Variants in SLC7A14 observed in about 807,000 individuals in gnomAD.
The protein encoded by SLC7A14 is gamma-aminobutyric acid transporter SLC7A14.
Under a neutral mutation model 60.2 loss-of-function variants are expected in SLC7A14, and 37 were observed. The observed-to-expected ratio is 0.61, with a 90% CI of 0.47 to 0.81. SLC7A14 has a LOEUF of 0.81. Ranked by LOEUF, SLC7A14 falls within the 30% of genes least tolerant of loss-of-function variation. The pLI is 0.00. For missense variants in SLC7A14, 886 were observed against 982.7 expected (o/e 0.90, Z 1.32); for synonymous variants, 399 against 395.8 (o/e 1.01, Z -0.10).
chr3:170,555,174 A>AAAT (rs1458056066), intron 1 of SLC7A14, among the ~76,000 whole-genome samples: 64 of 150,312 alleles, frequency 4.3e-4, no homozygotes, highest in African/African-American at 1.3e-3. Flanking sequence ...TCTCAAAAAA[A>AAAT]ATATATATAT....
intron 5 of SLC7A14, among the ~76,000 whole-genome samples, chr3:170,484,394 G>C (rs941399192): frequency 1.3e-5 from 2 of 152,148 alleles, no homozygotes; most frequent in Non-Finnish European, 2.9e-5. Context: ...CATGTGCATC[G>C]GGGAGGTGAT....
rs1311765118 is a variant in SLC7A14, at chr3:170,466,606, A to C, written c.*449T>G. The C allele has an allele frequency of 6.5e-6, 1 of 154,330 alleles. No homozygotes were observed. 9.6% of individuals were successfully genotyped at this position (154,330 alleles called of 1,614,324 possible). A position where few individuals can be genotyped will look rare whatever the true frequency, so the allele number is the denominator to read the frequency against. ...AGGATAAAATGATGCTTGCTCAGGA[A>C]GTGCCAATGCCCATCTACCCACCCT... On this transcript the variant is annotated 3_prime_UTR_variant, in exon 8 of 8. Transcript: ENST00000231706.
chr3:170,568,047 C>T lies in SLC7A14; in HGVS notation c.-153+17864G>A, dbSNP rs1205064155. On this transcript the variant is annotated intron_variant, in intron 1 of 7. Coordinates refer to ENST00000231706, the MANE Select transcript of SLC7A14 (RefSeq NM_020949.3). ...ACTTGTCAATTTTGGCTTTTGTTGCCATTGCTTTTGGTGTTTTAGACATGA... is the reference window on the plus strand; with the variant it reads ...ACTTGTCAATTTTGGCTTTTGTTGCTATTGCTTTTGGTGTTTTAGACATGA... Among the ~76,000 whole-genome samples the T allele has an allele frequency of 3.9e-5, 6 of 152,150 alleles. No homozygotes were observed. The South Asian group carries it at 6.2e-4, about 16-fold the overall frequency.
intron 7 of SLC7A14, among the ~76,000 whole-genome samples, chr3:170,471,652 G>A (rs879265776): frequency 2.6e-5 from 4 of 152,042 alleles, no homozygotes; most frequent in Admixed American, 1.3e-4. Flanking sequence ...TTTGGGCACC[G>A]CTAATCAAGA....
In SLC7A14 at chr3:170,501,098, G is replaced by C; in HGVS notation, c.541+11C>G. ...TTGCATGTTGAGGGTAGGAGGATGT[G>C]GCAGTCTCACCCAGGCCATTGAGGG... On this transcript the variant is annotated intron_variant, in intron 3 of 7. Coordinates refer to ENST00000231706, the MANE Select transcript of SLC7A14 (RefSeq NM_020949.3). 1 of 1,613,210 alleles carries C rather than the reference G, an allele frequency of 6.2e-7. No homozygotes were observed. Among genetic ancestry groups the C allele is most frequent in the Non-Finnish European group, 8.5e-7 (1 of 1,179,214 alleles).
At chr3:170,544,260 A>G (rs1714105485) in intron 1 of SLC7A14, among the ~76,000 whole-genome samples, 1 of 151,968 alleles carries the variant, frequency 6.6e-6, no homozygotes, top group Non-Finnish European at 1.5e-5. Context: ...CTCGGGACAC[A>G]TTACAGGACT....
chr3:170,544,628 C>A (rs1303333484), intron 1 of SLC7A14, among the ~76,000 whole-genome samples: 1 of 152,174 alleles, frequency 6.6e-6, no homozygotes, highest in Admixed American at 6.5e-5. Flanking sequence ...TGGCTCACAG[C>A]CACTTCCCAG....
chr3:170,521,335 A>C lies in SLC7A14; in HGVS notation c.304+5298T>G, dbSNP rs563467109. ...GGGGAATGGTGCGGCAAGGCCAAAA[A>C]CTCTCTTAAGATTGTGCTGTCCAAA... On this transcript the variant is annotated intron_variant, in intron 2 of 7. Coordinates refer to ENST00000231706, the MANE Select transcript of SLC7A14 (RefSeq NM_020949.3). Among the ~76,000 whole-genome samples, 6 of 152,214 alleles carry C rather than the reference A, an allele frequency of 3.9e-5. No individual in the cohort carries two copies. The South Asian group carries it at 1.2e-3, about 32-fold the overall frequency.
chr3:170,554,525 C>A (rs1001423251), intron 1 of SLC7A14, among the ~76,000 whole-genome samples: 7 of 152,204 alleles, frequency 4.6e-5, no homozygotes, highest in African/African-American at 9.7e-5. Flanking sequence ...AAAGAGCCAG[C>A]ACTAGGCCTT....
intron 1 of SLC7A14, among the ~76,000 whole-genome samples, chr3:170,565,366 G>A (rs1431260419): frequency 2.6e-5 from 4 of 152,154 alleles, no homozygotes; most frequent in Non-Finnish European, 5.9e-5. Flanking sequence ...TGGTTCTGCT[G>A]ATCTGCTGGA....
intron 7 of SLC7A14, among the ~76,000 whole-genome samples, chr3:170,477,986 G>A (rs2108267316): frequency 1.3e-5 from 2 of 152,300 alleles, no homozygotes; most frequent in Admixed American, 1.3e-4. Context: ...TCTATCCAGA[G>A]TAGAATCTGC....
intron 1 of SLC7A14, among the ~76,000 whole-genome samples, chr3:170,580,040 C>T (rs576923242): frequency 8.4e-4 from 128 of 152,240 alleles, no homozygotes; most frequent in Non-Finnish European, 1.4e-3. Flanking sequence ...ACTGTGTTTG[C>T]CTCCTGTTTT....
chr3:170,583,150 G>A (rs1715284032), intron 1 of SLC7A14, among the ~76,000 whole-genome samples: 1 of 152,080 alleles, frequency 6.6e-6, no homozygotes, highest in African/African-American at 2.4e-5. Context: ...ACCAATTTTG[G>A]GAAAATTATT....
At chr3:170,503,677 G>A (rs779079206) in intron 2 of SLC7A14, among the ~76,000 whole-genome samples, 24 of 152,252 alleles carry the variant, frequency 1.6e-4, no homozygotes, top group South Asian at 1.2e-3. Flanking sequence ...AGCAGGCATC[G>A]ATTTGATTGC....
chr3:170,579,802 A>T (rs1367111869), intron 1 of SLC7A14, among the ~76,000 whole-genome samples: 6 of 152,246 alleles, frequency 3.9e-5, no homozygotes, highest in Non-Finnish European at 5.9e-5. Context: ...GAAGGAAATG[A>T]CAGGTATCTC....
intron 1 of SLC7A14, among the ~76,000 whole-genome samples, chr3:170,552,876 T>A (rs1231615065): frequency 6.6e-6 from 1 of 152,226 alleles, no homozygotes; most frequent in Non-Finnish European, 1.5e-5. Flanking sequence ...TCAACATGAC[T>A]TATCAGCTTG....
rs553372002 is a variant in SLC7A14, at chr3:170,533,945, G to A, written c.-152-6857C>T. ...TGGAGTCTCAGACACAGCCAACTTC[G>A]TTTTACTTGGAATATCTTTAAAGGG... is the stretch of plus-strand genomic sequence containing the variant. On this transcript the variant is annotated intron_variant, in intron 1 of 7. Transcript: ENST00000231706. Among the ~76,000 whole-genome samples, 125 of 152,248 alleles carry A rather than the reference G, an allele frequency of 8.2e-4. No homozygotes were observed. The Middle Eastern group carries it at 0.01, about 12-fold the overall frequency.
At chr3:170,510,283 G>A (rs1308403305) in intron 2 of SLC7A14, among the ~76,000 whole-genome samples, 5 of 150,814 alleles carry the variant, frequency 3.3e-5, no homozygotes, top group Non-Finnish European at 7.4e-5. Flanking sequence ...CCAGCTGTTC[G>A]GGAGGCTGAG....
chr3:170,568,407 CTGT>C (rs1194861396), intron 1 of SLC7A14, among the ~76,000 whole-genome samples: 8 of 152,198 alleles, frequency 5.3e-5, no homozygotes, highest in Non-Finnish European at 8.8e-5. Context: ...GTTTTGGTTA[CTGT>C]AGCCTTGTAG....
Sources: allele counts gnomAD v4.1 joint callset (sites outside exome capture counted in the v4.1 genomes callset), GRCh38; gene constraint gnomAD v4.1.1; transcripts MANE v1.5; gene names NCBI Gene and HGNC (gene_info 2026-07-23, HGNC 2026-07-21).